The following DLEC1 variants were observed in gnomAD, a reference collection of about 807,000 sequenced individuals.
The protein encoded by DLEC1 is DLEC1 cilia and flagella associated protein.
Under a neutral mutation model 198.1 loss-of-function variants are expected in DLEC1, and 146 were observed. That is an observed-to-expected ratio of 0.74 (90% CI 0.64 to 0.85). The LOEUF is 0.85. Among genes scored for constraint, DLEC1 ranks in the 40% least tolerant of loss-of-function variants. The pLI is 0.00. For synonymous variants in DLEC1, 897 were observed against 866.8 expected, an observed-to-expected ratio of 1.03 and a Z score of -0.61; for missense variants, 2,233 against 2,220.0, an observed-to-expected ratio of 1.01 and a Z score of -0.12.
At chr3:38,120,684 G>T (rs1007710923) in intron 34 of DLEC1, 75 bp downstream of exon 34, 67 of 1,583,120 alleles carry the variant, frequency 4.2e-5, no homozygotes, top group Non-Finnish European at 5.2e-5. Context: ...GCCAGAGGAG[G>T]AAAGACCTAG....
At chr3:38,061,989 T>C (rs1307298011) in intron 3 of DLEC1, among the ~76,000 whole-genome samples, 180 bp from the exon 4 acceptor site, 4 of 152,228 alleles carry the variant, frequency 2.6e-5, no homozygotes, top group Admixed American at 6.5e-5. Flanking sequence ...TTTGAATACA[T>C]AGAATAAGTT....
intron 3 of DLEC1, 126 bp from the exon 4 acceptor site, chr3:38,062,043 G>T: frequency 3.4e-6 from 3 of 887,392 alleles, no homozygotes; most frequent in Non-Finnish European, 5.3e-6. Context: ...AGCTGGTGTG[G>T]TAAATATGAA....
intron 2 of DLEC1, 132 bp from the exon 3 acceptor site, chr3:38,059,610 A>G: frequency 1.4e-6 from 1 of 722,760 alleles, no homozygotes; most frequent in South Asian, 1.9e-5. Context: ...TTAAATCTCA[A>G]CATTCCCACA....
At position 38,117,095 on chromosome 3, in the gene DLEC1, A is replaced by G; in HGVS notation, c.4300A>G (p.Ser1434Gly). 1.9e-6 allele frequency: 3 copies of G among 1,614,060 alleles called. No homozygotes were observed. Among genetic ancestry groups the G allele is most frequent in the African/African-American group, 1.3e-5 (1 of 75,046 alleles). The change falls in exon 30 of 37, where the codon AGC becomes GGC. Residue 1434 changes from serine (S) to glycine (G), a missense_variant. Ser to Gly is a moderately conservative substitution (Grantham distance 56). Coordinates refer to ENST00000308059, the MANE Select transcript of DLEC1 (RefSeq NM_007335.4). ...CGCCCTGGGTTTCATGAGCTTGGAC[A>G]GCAAGGTGAGCTCTTCCGGCCTGGG... ...GYALGFMSLD[S>G]KVEREIPGKR...
rs1366442553 is a variant in DLEC1 at position 38,115,031 on chromosome 3, C to T, written c.3834C>T (p.Arg1278=). The change falls in exon 27 of 37, where the codon CGC becomes CGT. Residue 1278 remains arginine (R), a synonymous_variant. Transcript: ENST00000308059. ...GAGACACAGTTACCCGAACCCTTCG[C>T]CTGAATAACTCCAGCCCCTGTGGTA... is the stretch of plus-strand genomic sequence containing the variant. ...SGGDTVTRTL[R]LNNSSPCDIR... is the part of the protein sequence containing the mutation. The T allele has an allele frequency of 6.2e-7, 1 of 1,614,012 alleles. No homozygotes were observed. Among genetic ancestry groups the T allele is most frequent in the Non-Finnish European group, 8.5e-7 (1 of 1,179,930 alleles).
chr3:38,108,267 C>A (rs1559454222), intron 20 of DLEC1, 138 bp from the exon 21 acceptor site: 1 of 687,434 alleles, frequency 1.5e-6, no homozygotes, highest in Non-Finnish European at 2.5e-6. Flanking sequence ...GAAGTGAGCA[C>A]CCAGCCCTGT....
chr3:38,117,929 C>T lies in DLEC1; in HGVS notation c.4609C>T (p.His1537Tyr). The T allele has an allele frequency of 6.2e-7, 1 of 1,614,144 alleles. No homozygotes were observed. The highest frequency in any genetic ancestry group is 8.5e-7 in the Non-Finnish European group (1 of 1,180,016). Residue 1537 changes from histidine to tyrosine, a missense_variant, in exon 33 of 37, where the codon CAC (histidine) becomes TAC (tyrosine). Physicochemically the swap from His to Tyr is moderately conservative, Grantham distance 83. Transcript: ENST00000308059. Reference protein sequence around the residue: ...SVSQDGASQDHRAPGPGQKQE... With the variant: ...SVSQDGASQDYRAPGPGQKQE... Reference sequence around the variant, plus strand: ...TTCTCAAGATGGGGCGAGCCAGGACCACAGAGCTCCTGGCCCTGGCCAGAA... The same window carrying T: ...TTCTCAAGATGGGGCGAGCCAGGACTACAGAGCTCCTGGCCCTGGCCAGAA...
At chr3:38,110,983 T>A (rs918050782) in intron 23 of DLEC1, among the ~76,000 whole-genome samples, 7 of 152,056 alleles carry the variant, frequency 4.6e-5, no homozygotes, top group Admixed American at 4.6e-4. Context: ...CATGCTCATA[T>A]ACACACACAC....
At chr3:38,082,294 C>G (rs1229051072) in intron 6 of DLEC1, among the ~76,000 whole-genome samples, 20 of 138,992 alleles carry the variant, frequency 1.4e-4, no homozygotes, top group Non-Finnish European at 2.8e-4. Context: ...CGGGCGGAGA[C>G]GCTCCTCACT....
chr3:38,122,041 C>T, intron 35 of DLEC1, 30 bp from the exon 36 acceptor site: 1 of 1,611,432 alleles, frequency 6.2e-7, no homozygotes, highest in East Asian at 2.2e-5. Flanking sequence ...GCTGCCTGCA[C>T]TCATGTGTCT....
intron 2 of DLEC1, among the ~76,000 whole-genome samples, chr3:38,050,579 T>G (rs1326657307): frequency 6.6e-6 from 1 of 152,014 alleles, no homozygotes; most frequent in East Asian, 1.9e-4. Context: ...GCTAATATAG[T>G]GAGGACTCAC....
Position 38,039,446 on chromosome 3 carries a change from G to T in DLEC1, c.221G>T (p.Arg74Leu). The change falls in exon 1 of 37, where the codon CGT becomes CTT. Residue 74 changes from arginine to leucine, a missense_variant. By Grantham distance (102) the Arg-to-Leu change is moderately radical. Transcript: ENST00000308059. ...CTCACGCAGCTTGCGCTGGCGCAGC[G>T]TCCCGAGCCTCAGCTGCTTCGTCTG... ...RRLTQLALAQ[R>L]PEPQLLRLRP... is the part of the protein sequence containing the mutation. 2 of 1,613,852 alleles carry T rather than the reference G, an allele frequency of 1.2e-6. No individual in the cohort carries two copies. The highest frequency in any genetic ancestry group is 2.2e-5 in the South Asian group (2 of 91,076).
At chr3:38,085,530 T>C in intron 8 of DLEC1, 83 bp downstream of exon 8, 1 of 1,537,438 alleles carries the variant, frequency 6.5e-7, no homozygotes, top group Non-Finnish European at 8.8e-7. Flanking sequence ...AGGTTCCCTT[T>C]GTATCAGCAC....
intron 10 of DLEC1, among the ~76,000 whole-genome samples, chr3:38,090,592 C>T (rs556011669): frequency 2.6e-4 from 40 of 152,300 alleles, no homozygotes; most frequent in Non-Finnish European, 1.3e-4. Flanking sequence ...ATACATACAT[C>T]ACTCTGTCCA....
chr3:38,077,939 G>A (rs1332076911), intron 6 of DLEC1, among the ~76,000 whole-genome samples: 6 of 152,190 alleles, frequency 3.9e-5, no homozygotes, highest in Non-Finnish European at 8.8e-5. Context: ...GGAAATGAGA[G>A]GTTCTAAGAG....
chr3:38,111,764 T>G lies in DLEC1; in HGVS notation c.3514+17T>G, dbSNP rs754011994. On this transcript the variant is annotated intron_variant, in intron 24 of 36. Transcript: ENST00000308059. The stretch of plus-strand genomic sequence containing the variant: ...AGCAGCTGGGTAAGCGCCACCAGGG[T>G]GGGGCTTCGGGGCCCAGGCCACGGC... The G allele has an allele frequency of 1.3e-4, 205 of 1,607,260 alleles. No individual in the cohort carries two copies. The highest frequency in any genetic ancestry group is 1.7e-4 in the Non-Finnish European group (204 of 1,179,204).
At chr3:38,121,008 G>T (rs1256184497) in intron 34 of DLEC1, among the ~76,000 whole-genome samples, 1 of 151,280 alleles carries the variant, frequency 6.6e-6, no homozygotes, top group Non-Finnish European at 1.5e-5. Context: ...TCAAGCACCA[G>T]GGCGAGCACC....
At chr3:38,106,066 T>G (rs1699551860) in intron 19 of DLEC1, among the ~76,000 whole-genome samples, 1 of 152,248 alleles carries the variant, frequency 6.6e-6, no homozygotes, top group Non-Finnish European at 1.5e-5. Flanking sequence ...AGCTCAGCTC[T>G]ATTCTCTCCC....
chr3:38,072,763 T>C (rs13095145), intron 6 of DLEC1, among the ~76,000 whole-genome samples: 53,235 of 151,976 alleles, frequency 0.35, 9,773 homozygotes, highest in East Asian at 0.55. Context: ...CGGGCACGAT[T>C]GGCAGGGAGA....
Sources: allele counts gnomAD v4.1 joint callset (sites outside exome capture counted in the v4.1 genomes callset), GRCh38; gene constraint gnomAD v4.1.1; transcripts MANE v1.5; gene names NCBI Gene and HGNC (gene_info 2026-07-23, HGNC 2026-07-21).